The following DGKE variants were observed in gnomAD, a reference collection of about 807,000 sequenced individuals.
The protein encoded by DGKE is diacylglycerol kinase epsilon, also known as DAG kinase epsilon.
DGKE carries 53 observed loss-of-function variants against 70.0 expected under a neutral mutation model. The observed-to-expected ratio is 0.76, with a 90% confidence interval of 0.61 to 0.95. The LOEUF (loss-of-function observed/expected upper bound fraction) is 0.95, where lower values mean the gene tolerates loss of function less well. Ranked by LOEUF, DGKE falls within the 40% of genes least tolerant of loss-of-function variation. The pLI is 0.00. For synonymous variants in DGKE, 291 were observed against 257.0 expected, an observed-to-expected ratio of 1.13 and a Z score of -1.27; for missense variants, 655 against 706.9, an observed-to-expected ratio of 0.93 and a Z score of 0.83.
rs1328475956 is a variant in DGKE, at chr17:56,865,972, T to C, written c.*3181T>C. 1 of 152,146 alleles carries C rather than the reference T, an allele frequency of 6.6e-6. No individual in the cohort carries two copies. The highest frequency in any genetic ancestry group is 1.5e-5 in the Non-Finnish European group (1 of 68,022). 9.4% of individuals were successfully genotyped at this position (152,146 alleles called of 1,614,324 possible). A position where few individuals can be genotyped will look rare whatever the true frequency, so the allele number is the denominator to read the frequency against. ...GTGTGGTTTTCCTTCAAAATGATAA[T>C]ATTGAAGCAAGAACCAGCATTTTAT... On this transcript the variant is annotated 3_prime_UTR_variant, in exon 12 of 12. Transcript: ENST00000284061.
At chr17:56,851,864 TC>T (rs2144255308) in intron 7 of DGKE, among the ~76,000 whole-genome samples, 1 of 152,180 alleles carries the variant, frequency 6.6e-6, no homozygotes, top group African/African-American at 2.4e-5. Context: ...AAATTCGGTA[TC>T]AGATTGGAAA....
chr17:56,840,623 G>A (rs1421615095), intron 2 of DGKE, among the ~76,000 whole-genome samples: 2 of 152,120 alleles, frequency 1.3e-5, no homozygotes, highest in Non-Finnish European at 1.5e-5. Context: ...CAGGTGATCC[G>A]CCCGCCTGGC....
At chr17:56,849,538 A>T (rs1034507591) in intron 7 of DGKE, among the ~76,000 whole-genome samples, 1 of 152,232 alleles carries the variant, frequency 6.6e-6, no homozygotes, top group African/African-American at 2.4e-5. Flanking sequence ...AAGCATGGTT[A>T]GCAAGTAGCA....
intron 7 of DGKE, among the ~76,000 whole-genome samples, chr17:56,852,202 C>T (rs62072686): frequency 0.04 from 6,077 of 152,262 alleles, 174 homozygotes; most frequent in Middle Eastern, 0.072. Flanking sequence ...CACCTGAGGT[C>T]AGGTGTTCGA....
At chr17:56,843,566 G>A (rs1294164814) in intron 2 of DGKE, among the ~76,000 whole-genome samples, 1 of 152,130 alleles carries the variant, frequency 6.6e-6, no homozygotes, top group Non-Finnish European at 1.5e-5. Flanking sequence ...GGGAGGCCGA[G>A]GTGGGTGGAT....
At position 56,844,192 on chromosome 17, in the gene DGKE, ATTTCTCTAATATGATTGATT is replaced by A; in HGVS notation, c.624+18_624+37del. 6.9e-7 allele frequency: 1 copy of A among 1,447,010 alleles called. No homozygotes were observed. The highest frequency in any genetic ancestry group is 9.2e-7 in the Non-Finnish European group (1 of 1,085,458). 89.6% of individuals were successfully genotyped at this position (1,447,010 alleles called of 1,614,324 possible). ...GATTATGAAGTGGTAATTAGAGTTTATTTCTCTAATATGATTGATTTTTAAAAAGCTGCTTAACTCATTGT... is the reference window on the plus strand; with the variant it reads ...GATTATGAAGTGGTAATTAGAGTTTATTTAAAAAGCTGCTTAACTCATTGT... On this transcript the variant is annotated intron_variant, in intron 3 of 11. Transcript: ENST00000284061.
At position 56,867,945 on chromosome 17, in the gene DGKE, G is replaced by C. The variant is rs1442567260; in HGVS notation, c.*5154G>C. ...AAAAAAAGAAAGAAATGTGTTGCTG[G>C]TATCAGATATCAGACCAAGAACACT... On this transcript the variant is annotated 3_prime_UTR_variant, in exon 12 of 12. Transcript: ENST00000284061. 6.6e-6 allele frequency: 1 copy of C among 152,474 alleles called. No individual in the cohort carries two copies. The highest frequency in any genetic ancestry group is 1.5e-5 in the Non-Finnish European group (1 of 68,294). The allele number at this position is 152,474 out of a possible 1,614,324, so 9.4% of individuals were successfully genotyped here. A position where few individuals can be genotyped will look rare whatever the true frequency, so the allele number is the denominator to read the frequency against.
chr17:56,856,768 A>G (rs931591670), intron 8 of DGKE, 143 bp downstream of exon 8: 4 of 1,103,662 alleles, frequency 3.6e-6, no homozygotes, highest in Non-Finnish European at 4.9e-6. Context: ...AGGGTTGTCA[A>G]ATTAGATCTT....
chr17:56,834,872 C>G lies in DGKE; in HGVS notation c.77C>G (p.Thr26Arg). Residue 26 changes from threonine (T) to arginine (R), a missense_variant, in exon 2 of 12, where the codon ACG (threonine) becomes AGG (arginine). Transcript: ENST00000284061. ...LFADGHLILW[T>R]LCSVLLPVFI... Reference sequence around the variant, plus strand: ...GCGGACGGGCACCTGATCTTGTGGACGCTGTGCTCGGTCCTGCTGCCGGTG... The same window carrying G: ...GCGGACGGGCACCTGATCTTGTGGAGGCTGTGCTCGGTCCTGCTGCCGGTG... The G allele has an allele frequency of 6.2e-7, 1 of 1,613,142 alleles. No homozygotes were observed. The highest frequency in any genetic ancestry group is 8.5e-7 in the Non-Finnish European group (1 of 1,179,736).
At chr17:56,840,657 C>T (rs1906919904) in intron 2 of DGKE, among the ~76,000 whole-genome samples, 1 of 152,198 alleles carries the variant, frequency 6.6e-6, no homozygotes, top group Non-Finnish European at 1.5e-5. Context: ...GGATTATACG[C>T]ATGCCCCACT....
chr17:56,848,130 A>ATATG (rs1192522526), intron 5 of DGKE, 65 bp downstream of exon 5: 1 of 915,518 alleles, frequency 1.1e-6, no homozygotes, highest in African/African-American at 1.8e-5. Context: ...ATATATATAT[A>ATATG]TATATGGGTT....
At chr17:56,852,790 C>T (rs190183247) in intron 7 of DGKE, among the ~76,000 whole-genome samples, 205 of 152,306 alleles carry the variant, frequency 1.3e-3, no homozygotes, top group African/African-American at 4.8e-3. Context: ...TTGTGGTTTT[C>T]ATTTGCAATT....
rs1907246968 is a variant in DGKE, at chr17:56,845,784, T to A, written c.719T>A (p.Phe240Tyr). The part of the protein sequence containing the change: ...TNMGEGLLGE[F>Y]RILLNPVQVF... The stretch of plus-strand genomic sequence containing the variant: ...ATGGGAGAAGGACTGTTGGGAGAAT[T>A]TAGGATCTTGTTGAATCCAGTCCAG... Residue 240 changes from phenylalanine to tyrosine, a missense_variant, in exon 4 of 12, where the codon TTT (phenylalanine) becomes TAT (tyrosine). Physicochemically the swap from Phe to Tyr is conservative, Grantham distance 22 (BLOSUM62 3). Transcript: ENST00000284061. 6.2e-7 allele frequency: 1 copy of A among 1,608,900 alleles called. No individual in the cohort carries two copies.
At position 56,858,770 on chromosome 17, in the gene DGKE, T is replaced by C. The variant is rs72837387; in HGVS notation, c.1284+105T>C. On this transcript the variant is annotated intron_variant, in intron 9 of 11. Transcript: ENST00000284061. ...ACTTTGTTAATATATTTTGCCAGCATACATAGAGTATTTATTTGTGTGCCA... is the reference window on the plus strand; with the variant it reads ...ACTTTGTTAATATATTTTGCCAGCACACATAGAGTATTTATTTGTGTGCCA... The C allele has an allele frequency of 0.14, 111,692 of 818,674 alleles. 8,119 individuals are homozygous for C. Among genetic ancestry groups the C allele is most frequent in the South Asian group, 0.16 (8,132 of 51,348 alleles). The allele number at this position is 818,674 out of a possible 1,614,324, so 50.7% of individuals were successfully genotyped here.
chr17:56,849,312 C>A, intron 7 of DGKE, 80 bp downstream of exon 7: 1 of 1,289,712 alleles, frequency 7.8e-7, no homozygotes, highest in Non-Finnish European at 1.1e-6. Context: ...GATACAGAGA[C>A]CTGGTGCTTA....
Position 56,835,218 on chromosome 17 carries a change from C to T in DGKE, c.423C>T (p.Cys141=). ...NVPLCSYCMV[C]KQQCGCQPKL... is the part of the protein sequence containing the mutation. ...CCCTGTGCAGTTACTGTATGGTTTG[C>T]AAGCAGCAGTGTGGCTGTCAACCCA... The change falls in exon 2 of 12, where the codon TGC becomes TGT. Residue 141 remains cysteine (C), a synonymous_variant. Coordinates refer to ENST00000284061, the MANE Select transcript of DGKE (RefSeq NM_003647.3). 6.2e-7 allele frequency: 1 copy of T among 1,613,610 alleles called. No homozygotes were observed. The highest frequency in any genetic ancestry group is 8.5e-7 in the Non-Finnish European group (1 of 1,179,954).
intron 2 of DGKE, among the ~76,000 whole-genome samples, chr17:56,842,024 T>C (rs1907013732): frequency 6.6e-6 from 1 of 152,166 alleles, no homozygotes; most frequent in Non-Finnish European, 1.5e-5. Context: ...ATTGACATGA[T>C]GTAATAATAT....
chr17:56,853,723 T>C (rs1361389443), intron 7 of DGKE, among the ~76,000 whole-genome samples: 1 of 152,194 alleles, frequency 6.6e-6, no homozygotes, highest in Non-Finnish European at 1.5e-5. Flanking sequence ...CATTGCAAAT[T>C]AGTACAACCA....
Position 56,862,765 on chromosome 17 carries a change from C to A in DGKE, c.1678C>A (p.Gln560Lys), listed in dbSNP as rs561594713. The part of the protein sequence containing the change: ...TDDDISSTSD[Q>K]EDIKATE ...TGATGACATCTCTAGTACTTCGGAT[C>A]AAGAAGATATAAAGGCGACTGAATA... Residue 560 changes from glutamine to lysine, a missense_variant, in exon 12 of 12, where the codon CAA (glutamine) becomes AAA (lysine). Gln to Lys is a moderately conservative substitution (Grantham distance 53, BLOSUM62 1). Coordinates refer to ENST00000284061, the MANE Select transcript of DGKE (RefSeq NM_003647.3). 3.2e-6 allele frequency: 5 copies of A among 1,585,522 alleles called. No homozygotes were observed. The highest frequency in any genetic ancestry group is 4.3e-6 in the Non-Finnish European group (5 of 1,171,590).
Sources: allele counts gnomAD v4.1 joint callset (sites outside exome capture counted in the v4.1 genomes callset), GRCh38; gene constraint gnomAD v4.1.1; transcripts MANE v1.5; gene names NCBI Gene and HGNC (gene_info 2026-07-23, HGNC 2026-07-21).